Variants in MAP9 observed in about 807,000 individuals in gnomAD.
MAP9 encodes the protein microtubule associated protein 9.
Under a neutral mutation model 75.2 loss-of-function variants are expected in MAP9, and 80 were observed. The observed-to-expected ratio is 1.06, with a 90% CI of 0.89 to 1.28. The LOEUF is 1.28. Ranked by LOEUF, MAP9 falls within the 50% of genes most tolerant of loss-of-function variation. The probability of loss-of-function intolerance (pLI) is 0.00; values close to 1 mark genes in which losing one functional copy is unlikely to be tolerated. For missense variants in MAP9, 753 were observed against 719.9 expected (o/e 1.05, Z -0.53); for synonymous variants, 235 against 237.3 (o/e 0.99, Z 0.09).
rs1731313524 is a variant in MAP9 at position 155,347,113 on chromosome 4, A to G, written c.*670T>C. 2.0e-5 allele frequency: 3 copies of G among 152,226 alleles called. No individual in the cohort carries two copies. Among genetic ancestry groups the G allele is most frequent in the African/African-American group, 7.2e-5 (3 of 41,474 alleles). 9.4% of individuals were successfully genotyped at this position (152,226 alleles called of 1,614,324 possible). ...GAAATAATAAAGTGAGATAGAATTCAGAAAGAAAAATTTCAGAGGTGGACT... is the reference window on the plus strand; with the variant it reads ...GAAATAATAAAGTGAGATAGAATTCGGAAAGAAAAATTTCAGAGGTGGACT... On this transcript the variant is annotated 3_prime_UTR_variant, in exon 14 of 14. Coordinates refer to ENST00000311277, the MANE Select transcript of MAP9 (RefSeq NM_001039580.2).
In MAP9 at chr4:155,346,334, A is replaced by G. The variant is rs545790172; in HGVS notation, c.*1449T>C. ...CCACCATCTCTAAGAACAAGCAGCTATTTCTGTAGAGAAAGATCATCTTTG... is the reference window on the plus strand; with the variant it reads ...CCACCATCTCTAAGAACAAGCAGCTGTTTCTGTAGAGAAAGATCATCTTTG... On this transcript the variant is annotated 3_prime_UTR_variant, in exon 14 of 14. Coordinates refer to ENST00000311277, the MANE Select transcript of MAP9 (RefSeq NM_001039580.2). The G allele has an allele frequency of 6.6e-6, 1 of 152,320 alleles. No individual in the cohort carries two copies. The highest frequency in any genetic ancestry group is 2.1e-4 in the South Asian group (1 of 4,832). The allele number at this position is 152,320 out of a possible 1,614,324, so 9.4% of individuals were successfully genotyped here. A position where few individuals can be genotyped will look rare whatever the true frequency, so the allele number is the denominator to read the frequency against.
intron 5 of MAP9, among the ~76,000 whole-genome samples, chr4:155,365,094 C>T (rs1732265282): frequency 6.6e-6 from 1 of 151,936 alleles, no homozygotes; most frequent in African/African-American, 2.4e-5. Flanking sequence ...CTAAACACTA[C>T]ATTAAAAGGC....
intron 1 of MAP9, chr4:155,376,527 T>C (rs1440253581): frequency 2.0e-5 from 3 of 152,332 alleles, no homozygotes; most frequent in African/African-American, 4.8e-5. Flanking sequence ...GGGCCGCCCA[T>C]AGCGTTGTGC....
rs1731212366 is a variant in MAP9 at position 155,344,400 on chromosome 4, A to AGTT, written c.*3380_*3382dup. The AGTT allele has an allele frequency of 6.6e-6, 1 of 152,014 alleles. No individual in the cohort carries two copies. The highest frequency in any genetic ancestry group is 2.4e-5 in the African/African-American group (1 of 41,436). The allele number at this position is 152,014 out of a possible 1,614,324, so 9.4% of individuals were successfully genotyped here. On this transcript the variant is annotated 3_prime_UTR_variant, in exon 14 of 14. Transcript: ENST00000311277. ...ATCTAACTCTAGATGTACCATAGTT[A>AGTT]GTTGTATGAGATTGGACAAGTCAAA...
intron 4 of MAP9, among the ~76,000 whole-genome samples, chr4:155,370,502 C>T (rs1732544821): frequency 1.3e-5 from 2 of 152,150 alleles, no homozygotes; most frequent in South Asian, 4.1e-4. Context: ...CCCTCCAATC[C>T]CTCCTGCTAC....
At chr4:155,365,806 C>T (rs1200159454) in intron 5 of MAP9, among the ~76,000 whole-genome samples, 7 of 151,382 alleles carry the variant, frequency 4.6e-5, no homozygotes, top group African/African-American at 1.7e-4. Flanking sequence ...TTATATGTAT[C>T]GAAAAATCAC....
chr4:155,358,754 G>A (rs1435030499), intron 7 of MAP9, among the ~76,000 whole-genome samples: 1 of 151,436 alleles, frequency 6.6e-6, no homozygotes, highest in East Asian at 1.9e-4. Flanking sequence ...CTAAAAAGAG[G>A]GCAAAAAACA....
chr4:155,351,024 A>C (rs949909980), intron 13 of MAP9: 45 of 151,892 alleles, frequency 3.0e-4, no homozygotes, highest in African/African-American at 1.0e-3. Flanking sequence ...GCTGATTCTT[A>C]AGTTTATGGA....
rs771031434 is a variant in MAP9 at position 155,353,315 on chromosome 4, GCTT to G, written c.1403_1405del (p.Glu468del). On this transcript the variant is annotated inframe_deletion, in exon 11 of 14. Transcript: ENST00000311277. ...CTTCCAGGCCTCAAATGATGCTAATGCTTCTTCTCTTTTAGCAGCTTTTTTCTA... is the reference window on the plus strand; with the variant it reads ...CTTCCAGGCCTCAAATGATGCTAATGCTTCTCTTTTAGCAGCTTTTTTCTA... 2.5e-6 allele frequency: 4 copies of G among 1,579,324 alleles called. No homozygotes were observed. Among genetic ancestry groups the G allele is most frequent in the South Asian group, 1.2e-5 (1 of 83,018 alleles).
intron 8 of MAP9, among the ~76,000 whole-genome samples, chr4:155,356,771 CGCCTACAAA>C: frequency 6.6e-6 from 1 of 152,202 alleles, no homozygotes; most frequent in East Asian, 1.9e-4. Flanking sequence ...CAGACTGTAT[CGCCTACAAA>C]GCCTAAAATA....
intron 7 of MAP9, among the ~76,000 whole-genome samples, chr4:155,359,250 A>G (rs981213340): frequency 2.5e-5 from 3 of 121,954 alleles, no homozygotes; most frequent in African/African-American, 9.3e-5. Flanking sequence ...CACACACAGG[A>G]ATACTATTCA....
intron 13 of MAP9, among the ~76,000 whole-genome samples, chr4:155,350,765 C>G (rs1180576094): frequency 6.6e-6 from 1 of 151,802 alleles, no homozygotes; most frequent in Admixed American, 6.6e-5. Context: ...ATCCTGTTGG[C>G]TTTTGTTAAG....
At chr4:155,357,389 T>G in intron 8 of MAP9, 60 bp downstream of exon 8, 1 of 1,046,440 alleles carries the variant, frequency 9.6e-7, no homozygotes, top group Non-Finnish European at 1.5e-6. Flanking sequence ...GAAAGTTAAA[T>G]TAAAACTAGC....
At position 155,360,070 on chromosome 4, in the gene MAP9, T is replaced by C. The variant is rs568863003; in HGVS notation, c.1050+98A>G. 5.5e-6 allele frequency: 6 copies of C among 1,095,704 alleles called. No homozygotes were observed. The African/African-American group carries it at 7.9e-5, about 14-fold the overall frequency. 67.9% of individuals were successfully genotyped at this position (1,095,704 alleles called of 1,614,324 possible). A position where few individuals can be genotyped will look rare whatever the true frequency, so the allele number is the denominator to read the frequency against. The stretch of plus-strand genomic sequence containing the variant: ...CACTATCAAAAGATAAATTTTCCAC[T>C]GGTAATTCAGAAGTATATAACACAG... On this transcript the variant is annotated intron_variant, in intron 7 of 13. Transcript: ENST00000311277.
At chr4:155,350,448 C>CTAAA (rs1438421599) in intron 13 of MAP9, among the ~76,000 whole-genome samples, 1 of 151,864 alleles carries the variant, frequency 6.6e-6, no homozygotes, top group Non-Finnish European at 1.5e-5. Context: ...AACAGTATAC[C>CTAAA]TAAATGTGAC....
At chr4:155,360,793 A>G (rs1419112596) in intron 6 of MAP9, among the ~76,000 whole-genome samples, 2 of 152,044 alleles carry the variant, frequency 1.3e-5, no homozygotes, top group East Asian at 1.9e-4. Flanking sequence ...AACACGCTGC[A>G]TAAGAAGGTG....
At chr4:155,350,665 A>G (rs1056175674) in intron 13 of MAP9, among the ~76,000 whole-genome samples, 1 of 151,988 alleles carries the variant, frequency 6.6e-6, no homozygotes, top group African/African-American at 2.4e-5. Flanking sequence ...TTTTCATTCA[A>G]AATTGAACCA....
chr4:155,352,647 A>C lies in MAP9; in HGVS notation c.1770T>G (p.Ala590=), dbSNP rs761269973. 6.0e-5 allele frequency: 93 copies of C among 1,544,766 alleles called. 1 individual carries two copies. In the South Asian group the frequency reaches 9.4e-4, roughly 16 times the overall value. ...CTTGTTTATCTTTATCTTTTTTCTC[A>C]GCTCTTTTCAGTTCTTCCTTTCTTT... ...NEKRKEELKR[A]EKKDKDKQAI... Residue 590 remains alanine (A), a synonymous_variant, in exon 13 of 14, where the codon GCT becomes GCG. Transcript: ENST00000311277.
intron 8 of MAP9, 78 bp from the exon 9 acceptor site, chr4:155,355,962 T>C (rs1446480213): frequency 7.7e-7 from 1 of 1,305,626 alleles, no homozygotes; most frequent in Non-Finnish European, 1.1e-6. Flanking sequence ...AATATGCACG[T>C]ATAATATTTG....
Sources: gnomAD v4.1 joint callset for allele counts (sites outside exome capture counted in the v4.1 genomes callset) on GRCh38, gnomAD v4.1.1 for gene constraint, MANE v1.5 for transcripts, NCBI Gene and HGNC (gene_info 2026-07-23, HGNC 2026-07-21) for gene names.